Variants in DNHD1 observed in about 807,000 individuals in gnomAD.
DNHD1 encodes the protein dynein heavy chain domain 1.
In DNHD1, 383 loss-of-function variants were observed where a neutral mutation model predicts 458.1. The observed-to-expected ratio is 0.84, with a 90% CI of 0.77 to 0.91. The LOEUF (loss-of-function observed/expected upper bound fraction) is 0.91. Among genes scored for constraint, DNHD1 ranks in the 40% least tolerant of loss-of-function variants. The pLI is 0.00. For synonymous variants in DNHD1, 2,203 were observed against 2,376.9 expected, an observed-to-expected ratio of 0.93 and a Z score of 2.13; for missense variants, 5,336 against 5,866.1, an observed-to-expected ratio of 0.91 and a Z score of 2.95.
At chr11:6,538,869 C>A (rs764814588) in intron 16 of DNHD1, 59 bp downstream of exon 16, 1 of 1,395,824 alleles carries the variant, frequency 7.2e-7, no homozygotes, top group Non-Finnish European at 9.5e-7. Flanking sequence ...TAGAGCGATG[C>A]AGCAACTCAG....
Position 6,533,780 on chromosome 11 carries a change from G to T in DNHD1, c.2605G>T (p.Ala869Ser), listed in dbSNP as rs1179365239. 3.9e-6 allele frequency: 6 copies of T among 1,551,542 alleles called. No individual in the cohort carries two copies. The East Asian group carries it at 9.8e-5, about 25-fold the overall frequency. ...CCGCAACCACTTTAGCCTCTTTAGT[G>T]CTGAGAATGAAGCACTGGACATCTC... ...LIRNHFSLFS[A>S]ENEALDISVR... Residue 869 changes from alanine (A) to serine (S), a missense_variant, in exon 14 of 43, where the codon GCT becomes TCT. This residue lies in a region of DNHD1 where 3,932 missense variants were observed against 4,365.6 expected (regional missense o/e 0.90). Transcript: ENST00000254579.
chr11:6,536,448 A>C (rs1852951086), intron 14 of DNHD1, among the ~76,000 whole-genome samples: 1 of 152,204 alleles, frequency 6.6e-6, no homozygotes, highest in South Asian at 2.1e-4. Context: ...TATTTATGTA[A>C]CTTGCCCTTA....
rs765228863 is a variant in DNHD1, at chr11:6,519,931, G to GC, written c.1648-30dup. On this transcript the variant is annotated intron_variant, in intron 8 of 42. Coordinates refer to ENST00000254579, the MANE Select transcript of DNHD1 (RefSeq NM_144666.3). ...GCTGAGGAATGTATACTGACATCTA[G>GC]CCCCTCGACCTTTCCTGACCCTTTT... The GC allele has an allele frequency of 1.5e-4, 244 of 1,613,668 alleles. 2 individuals carry two copies. The highest frequency in any genetic ancestry group is 1.2e-3 in the Middle Eastern group (7 of 6,058).
At position 6,519,606 on chromosome 11, in the gene DNHD1, G is replaced by A. The variant is rs779739123; in HGVS notation, c.1399G>A (p.Glu467Lys). ...TTCCACTCTATGCTCACAGGTTCAC[G>A]AGGACACATACCACATGCAACAGTG... is the stretch of plus-strand genomic sequence containing the variant. ...LCTSILRLVH[E>K]DTYHMQQCLQ... The change falls in exon 8 of 43, where the codon GAG (glutamate) becomes AAG (lysine). Residue 467 changes from glutamate to lysine, a missense_variant. Transcript: ENST00000254579. 1.9e-5 allele frequency: 31 copies of A among 1,613,930 alleles called. No individual in the cohort carries two copies. Among genetic ancestry groups the A allele is most frequent in the South Asian group, 4.4e-5 (4 of 91,058 alleles).
At position 6,546,553 on chromosome 11, in the gene DNHD1, T is replaced by C. The variant is rs2134430511; in HGVS notation, c.5614T>C (p.Cys1872Arg). ...ERELVSGPLP[C>R]RLPLLKQILE... ...TGAGCTGGTGTCTGGGCCCCTGCCC[T>C]GCCGCCTGCCACTGCTCAAGCAGAT... The change falls in exon 21 of 43, where the codon TGC (cysteine) becomes CGC (arginine). Residue 1872 changes from cysteine (C) to arginine (R), a missense_variant. Cys to Arg is a radical substitution (Grantham distance 180). This residue lies in a region of DNHD1 where 3,932 missense variants were observed against 4,365.6 expected (regional missense o/e 0.90). Coordinates refer to ENST00000254579, the MANE Select transcript of DNHD1 (RefSeq NM_144666.3). The C allele has an allele frequency of 6.4e-7, 1 of 1,551,542 alleles. No individual in the cohort carries two copies. Among genetic ancestry groups the C allele is most frequent in the Admixed American group, 2.0e-5 (1 of 51,010 alleles).
In DNHD1 at chr11:6,557,817, A is replaced by C; in HGVS notation, c.8522A>C (p.Gln2841Pro). Reference sequence around the variant, plus strand: ...ACCCCCAACTTGTACCTGGAACGACAGTGGGAGAAGCTAGAGGAGCAGTTG... The same window carrying C: ...ACCCCCAACTTGTACCTGGAACGACCGTGGGAGAAGCTAGAGGAGCAGTTG... The part of the protein sequence containing the change: ...SETPNLYLER[Q>P]WEKLEEQLAT... The change falls in exon 25 of 43, where the codon CAG (glutamine) becomes CCG (proline). Residue 2841 changes from glutamine (Q) to proline (P), a missense_variant. This residue lies in a region of DNHD1 where 3,932 missense variants were observed against 4,365.6 expected (regional missense o/e 0.90). Coordinates refer to ENST00000254579, the MANE Select transcript of DNHD1 (RefSeq NM_144666.3). 1 of 1,551,436 alleles carries C rather than the reference A, an allele frequency of 6.4e-7. No homozygotes were observed. Among genetic ancestry groups the C allele is most frequent in the East Asian group, 2.4e-5 (1 of 40,916 alleles).
chr11:6,498,470 T>C lies in DNHD1; in HGVS notation c.255T>C (p.His85=). The C allele has an allele frequency of 1.2e-6, 2 of 1,614,204 alleles. No individual in the cohort carries two copies. The highest frequency in any genetic ancestry group is 1.1e-5 in the South Asian group (1 of 91,086). ...DSSPAAWRYL[H]AVLGLLPPYR... ...GCCCTGCAGCTTGGCGCTATCTTCA[T>C]GCAGTACTGGGTCTACTGCCTCCAT... Residue 85 remains histidine (H), a synonymous_variant, in exon 3 of 43, where the codon CAT becomes CAC. Coordinates refer to ENST00000254579, the MANE Select transcript of DNHD1 (RefSeq NM_144666.3).
intron 24 of DNHD1, among the ~76,000 whole-genome samples, chr11:6,556,227 C>T (rs1353052564): frequency 6.6e-6 from 1 of 152,172 alleles, no homozygotes; most frequent in Non-Finnish European, 1.5e-5. Flanking sequence ...CTTTCCATCT[C>T]AGCCTCCAAA....
chr11:6,520,589 A>G (rs1204347209), intron 10 of DNHD1: 3 of 1,223,510 alleles, frequency 2.5e-6, no homozygotes, highest in Admixed American at 7.3e-5. Flanking sequence ...GTTTTTCTCC[A>G]GTGCCATAAT....
At position 6,568,493 on chromosome 11, in the gene DNHD1, C is replaced by T. The variant is rs1564824934; in HGVS notation, c.12578C>T (p.Pro4193Leu). 3.1e-6 allele frequency: 5 copies of T among 1,613,944 alleles called. No individual in the cohort carries two copies. Among genetic ancestry groups the T allele is most frequent in the Non-Finnish European group, 4.2e-6 (5 of 1,179,890 alleles). Residue 4193 changes from proline (P) to leucine (L), a missense_variant, in exon 38 of 43, where the codon CCT becomes CTT. This residue lies in a region of DNHD1 where 695 missense variants were observed against 804.2 expected (regional missense o/e 0.86). Transcript: ENST00000254579. ...GAATCAGAACAGCTTTTAGACCAAC[C>T]TGAAAGCAGGAATGTAAGCACTGTT... Reference protein sequence around the residue: ...DLESEQLLDQPESRNVSTVHR... With the variant: ...DLESEQLLDQLESRNVSTVHR...
rs1248216119 is a variant in DNHD1, at chr11:6,557,194, T to C, written c.7899T>C (p.Cys2633=). The C allele has an allele frequency of 1.3e-6, 2 of 1,551,572 alleles. No homozygotes were observed. The highest frequency in any genetic ancestry group is 1.7e-6 in the Non-Finnish European group (2 of 1,147,008). ...GGGTGTCAGGCCTGCGAGGCACTTG[T>C]CTGACCGTTATGATGGCCACACGCA... ...LRRVSGLRGT[C]LTVMMATRNV... The change falls in exon 25 of 43, where the codon TGT becomes TGC. Residue 2633 remains cysteine, a synonymous_variant. Coordinates refer to ENST00000254579, the MANE Select transcript of DNHD1 (RefSeq NM_144666.3).
intron 7 of DNHD1, among the ~76,000 whole-genome samples, chr11:6,518,605 A>C (rs1435164681): frequency 1.3e-5 from 2 of 152,220 alleles, no homozygotes; most frequent in African/African-American, 4.8e-5. Flanking sequence ...AAGGTGTAAC[A>C]GAGATCGCCT....
At position 6,528,440 on chromosome 11, in the gene DNHD1, C is replaced by T. The variant is rs1388729529; in HGVS notation, c.1838-82C>T. 4 of 1,293,594 alleles carry T rather than the reference C, an allele frequency of 3.1e-6. No individual in the cohort carries two copies. The South Asian group carries it at 4.5e-5, about 14-fold the overall frequency. The allele number at this position is 1,293,594 out of a possible 1,614,324, so 80.1% of individuals were successfully genotyped here. On this transcript the variant is annotated intron_variant, in intron 10 of 42. Coordinates refer to ENST00000254579, the MANE Select transcript of DNHD1 (RefSeq NM_144666.3). Reference sequence around the variant, plus strand: ...GTGTGTGTGTGTGTGTGTGTGTACACACACTGAGGGCAAGGAGAAAGGAAG... The same window carrying T: ...GTGTGTGTGTGTGTGTGTGTGTACATACACTGAGGGCAAGGAGAAAGGAAG...
rs1389432448 is a variant in DNHD1 at position 6,566,359 on chromosome 11, C to T, written c.11172C>T (p.Leu3724=). ...PQVQPGFCLY[L]STTLSLCAME... is the part of the protein sequence containing the mutation. Reference sequence around the variant, plus strand: ...TGCAGCCTGGCTTCTGTCTGTATCTCAGCACCACCCTCTCCCTCTGTGCCA... The same window carrying T: ...TGCAGCCTGGCTTCTGTCTGTATCTTAGCACCACCCTCTCCCTCTGTGCCA... Residue 3724 remains leucine (L), a synonymous_variant, in exon 34 of 43, where the codon CTC becomes CTT. Transcript: ENST00000254579. 1.3e-6 allele frequency: 2 copies of T among 1,557,240 alleles called. No individual in the cohort carries two copies. The highest frequency in any genetic ancestry group is 1.7e-6 in the Non-Finnish European group (2 of 1,150,320).
intron 39 of DNHD1, 81 bp from the exon 40 acceptor site, chr11:6,569,927 AG>A: frequency 8.6e-7 from 1 of 1,169,240 alleles, no homozygotes; most frequent in East Asian, 2.4e-5. Context: ...CTCAGGAGAG[AG>A]GTTTGAACTG....
intron 6 of DNHD1, among the ~76,000 whole-genome samples, chr11:6,510,561 T>A (rs892810087): frequency 1.3e-5 from 2 of 152,044 alleles, no homozygotes; most frequent in African/African-American, 4.8e-5. Context: ...ACGGGACAAA[T>A]CTTATTTAGA....
intron 7 of DNHD1, 137 bp downstream of exon 7, chr11:6,511,566 C>T: frequency 8.8e-7 from 1 of 1,141,208 alleles, no homozygotes; most frequent in Non-Finnish European, 1.2e-6. Flanking sequence ...CATTTTCCTG[C>T]CCAGCAACAG....
chr11:6,508,947 G>A lies in DNHD1; in HGVS notation c.988G>A (p.Gly330Arg). The change falls in exon 5 of 43, where the codon GGG becomes AGG. Residue 330 changes from glycine to arginine, a missense_variant. Physicochemically the swap from Gly to Arg is moderately radical, Grantham distance 125 (BLOSUM62 -2). Around this residue, in one of 4 missense-constraint regions of DNHD1, gnomAD observed 3,932 missense variants for 4,365.6 expected, o/e 0.90. Coordinates refer to ENST00000254579, the MANE Select transcript of DNHD1 (RefSeq NM_144666.3). ...NPEHYIFSPF[G>R]ILHVHPVEGS... ...CGAGCACTACATCTTCTCTCCCTTT[G>A]GGATCTTGCATGTACATCCTGTGGA... is the stretch of plus-strand genomic sequence containing the variant. The A allele has an allele frequency of 6.2e-7, 1 of 1,614,132 alleles. No individual in the cohort carries two copies.
chr11:6,564,153 C>A (rs941905319), intron 31 of DNHD1, 29 bp downstream of exon 31: 3 of 1,542,374 alleles, frequency 1.9e-6, no homozygotes, highest in Admixed American at 3.9e-5. Context: ...GATGTCTCCC[C>A]CAAAGTTCCT....
Sources: gnomAD v4.1 joint callset for allele counts (sites outside exome capture counted in the v4.1 genomes callset) on GRCh38, gnomAD v4.1.1 for gene constraint, gnomAD v4.1.1 regional missense constraint, MANE v1.5 for transcripts, NCBI Gene and HGNC (gene_info 2026-07-23, HGNC 2026-07-21) for gene names.